Variants in PEX6 observed in about 807,000 individuals in gnomAD.
PEX6 encodes the protein peroxisome biogenesis factor 6.
Under a neutral mutation model 85.6 loss-of-function variants are expected in PEX6, and 55 were observed. The ratio of observed to expected loss-of-function variants is 0.64; its 90% CI spans 0.52 to 0.80. The LOEUF (loss-of-function observed/expected upper bound fraction) is 0.80. PEX6 is among the 30% of genes least tolerant of loss of function. The probability of loss-of-function intolerance (pLI) is 0.00; values close to 1 mark genes in which losing one functional copy is unlikely to be tolerated. For missense variants in PEX6, 1,099 were observed against 1,260.3 expected (o/e 0.87, Z 1.94); for synonymous variants, 519 against 549.1 (o/e 0.95, Z 0.77).
In PEX6 at chr6:42,966,393, TCTC is replaced by T; in HGVS notation, c.2146_2148del (p.Glu716del). 6.2e-7 allele frequency: 1 copy of T among 1,613,954 alleles called. No individual in the cohort carries two copies. Among genetic ancestry groups the T allele is most frequent in the South Asian group, 1.1e-5 (1 of 91,078 alleles). Reference sequence around the variant, plus strand: ...AGGGGGAGCTGAATGGTCTCCAGGATCTCCTTCTTCACCTCCTGCAGCCCACCC... The same window carrying T: ...AGGGGGAGCTGAATGGTCTCCAGGATCTTCTTCACCTCCTGCAGCCCACCC... On this transcript the variant is annotated inframe_deletion, in exon 11 of 17. Transcript: ENST00000304611.
intron 1 of PEX6, among the ~76,000 whole-genome samples, chr6:42,975,559 CCAA>C (rs1770253212): frequency 6.6e-6 from 1 of 152,144 alleles, no homozygotes; most frequent in Admixed American, 6.5e-5. Flanking sequence ...ACCTGACATC[CCAA>C]AGTATTAACT....
At chr6:42,974,445 T>TTTTG (rs1770189172) in intron 2 of PEX6, among the ~76,000 whole-genome samples, 1 of 87,102 alleles carries the variant, frequency 1.1e-5, no homozygotes, top group African/African-American at 7.8e-5. Context: ...CTGAAATGTT[T>TTTTG]TTTTTGTTTT....
chr6:42,972,892 T>C (rs1770117256), intron 3 of PEX6, among the ~76,000 whole-genome samples: 1 of 152,076 alleles, frequency 6.6e-6, no homozygotes, highest in Admixed American at 6.6e-5. Flanking sequence ...CGTTGAGATA[T>C]GGATGGTATG....
Sources: allele counts gnomAD v4.1 joint callset (sites outside exome capture counted in the v4.1 genomes callset), GRCh38; gene constraint gnomAD v4.1.1; transcripts MANE v1.5; gene names NCBI Gene and HGNC (gene_info 2026-07-23, HGNC 2026-07-21).